ANO2: variants seen among roughly 807,000 people sequenced by gnomAD.
ANO2 encodes the protein anoctamin-2.
In ANO2, 101 loss-of-function variants were observed where a neutral mutation model predicts 124.2. The observed-to-expected ratio is 0.81, with a 90% CI of 0.69 to 0.96. ANO2 has a LOEUF of 0.96. Ranked by LOEUF, ANO2 falls within the 40% of genes least tolerant of loss-of-function variation. ANO2 has a pLI of 0.00. For missense variants in ANO2, 1,293 were observed against 1,274.5 expected (o/e 1.01, Z -0.22); for synonymous variants, 486 against 482.5 (o/e 1.01, Z -0.09).
chr12:5,671,601 C>T (rs1285074548), intron 14 of ANO2, among the ~76,000 whole-genome samples: 4 of 152,130 alleles, frequency 2.6e-5, no homozygotes, highest in Non-Finnish European at 5.9e-5. Flanking sequence ...TTTCTAAAGC[C>T]ACCCTAGGGA....
chr12:5,569,409 T>C (rs533584120), intron 23 of ANO2, among the ~76,000 whole-genome samples: 5 of 152,326 alleles, frequency 3.3e-5, no homozygotes, highest in African/African-American at 1.2e-4. Flanking sequence ...TTTAGGGATG[T>C]TCCTGGATCT....
chr12:5,789,997 C>A (rs915425220), intron 10 of ANO2, among the ~76,000 whole-genome samples: 3 of 152,144 alleles, frequency 2.0e-5, no homozygotes, highest in Non-Finnish European at 4.4e-5. Flanking sequence ...CAGTGGCTCC[C>A]GGGATCAAAC....
In ANO2 at chr12:5,565,675, G is replaced by A; in HGVS notation, c.2622-12C>T. 1 of 1,573,528 alleles carries A rather than the reference G, an allele frequency of 6.4e-7. No homozygotes were observed. ...GGTAATCCTTAAACCTGCCCAAAGA[G>A]AAATGTGGTGTTAAGATCAGGAGCG... On this transcript the variant is annotated splice_polypyrimidine_tract_variant and intron_variant, in intron 23 of 24. Transcript: ENST00000682330.
chr12:5,923,061 TACAC>T (rs1337884160), intron 1 of ANO2, among the ~76,000 whole-genome samples: 1 of 88,212 alleles, frequency 1.1e-5, no homozygotes, highest in Non-Finnish European at 2.3e-5. Context: ...CACACCCACA[TACAC>T]ACACACATGC....
chr12:5,673,868 G>A (rs568988163), intron 14 of ANO2, among the ~76,000 whole-genome samples: 3 of 152,180 alleles, frequency 2.0e-5, no homozygotes, highest in Non-Finnish European at 4.4e-5. Flanking sequence ...ATTCAGTCCA[G>A]CCCATGGACA....
At position 5,767,972 on chromosome 12, in the gene ANO2, C is replaced by T. The variant is rs186888670; in HGVS notation, c.1056-17002G>A. On this transcript the variant is annotated intron_variant, in intron 10 of 24. Transcript: ENST00000682330. ...CATGAGAACCTCAGGATCCTCCAGA[C>T]GCCATATGTGGACTGTAGGGGGTGC... Among the ~76,000 whole-genome samples the T allele has an allele frequency of 9.0e-4, 137 of 152,256 alleles. 1 individual carries two copies. Among genetic ancestry groups the T allele is most frequent in the Non-Finnish European group, 4.3e-4 (29 of 68,022 alleles).
At chr12:5,942,097 C>T (rs1331957878) in intron 1 of ANO2, among the ~76,000 whole-genome samples, 1 of 152,182 alleles carries the variant, frequency 6.6e-6, no homozygotes, top group Non-Finnish European at 1.5e-5. Flanking sequence ...TGGAGTGCCG[C>T]GTATCCCTTT....
At chr12:5,923,278 A>G (rs993379409) in intron 1 of ANO2, among the ~76,000 whole-genome samples, 46 of 149,554 alleles carry the variant, frequency 3.1e-4, no homozygotes, top group East Asian at 1.2e-3. Flanking sequence ...ACACACACAC[A>G]CGCACACACA....
chr12:5,946,049 A>G, upstream of ANO2: 1 of 1,407,284 alleles, frequency 7.1e-7, no homozygotes, highest in Non-Finnish European at 1.0e-6. The surrounding 1 kb of genome is among the most constrained non-coding windows in gnomAD (Gnocchi z 4.1). Flanking sequence ...GGAATCTGCA[A>G]CTCCAAGATG....
At chr12:5,920,080 G>GC (rs1941614107) in intron 3 of ANO2, among the ~76,000 whole-genome samples, 1 of 91,106 alleles carries the variant, frequency 1.1e-5, no homozygotes, top group Admixed American at 1.0e-4. Flanking sequence ...TGGATGGATG[G>GC]ATGCATGCAT....
At chr12:5,706,085 C>A (rs540685276) in intron 14 of ANO2, among the ~76,000 whole-genome samples, 3 of 152,330 alleles carry the variant, frequency 2.0e-5, no homozygotes, top group Admixed American at 1.3e-4. Flanking sequence ...TGTACGCTGG[C>A]TTTGCAACTG....
chr12:5,930,596 A>C (rs2136315749), intron 1 of ANO2, among the ~76,000 whole-genome samples: 1 of 152,248 alleles, frequency 6.6e-6, no homozygotes, highest in South Asian at 2.1e-4. Context: ...TTCAGATTGA[A>C]GACCCTCCCC....
At chr12:5,657,641 G>T (rs4930743) in intron 14 of ANO2, among the ~76,000 whole-genome samples, 90,297 of 151,798 alleles carry the variant, frequency 0.59, 28,257 homozygotes, top group East Asian at 0.96. Context: ...TCAGGGAGGA[G>T]GTACAAGTGG....
intron 10 of ANO2, among the ~76,000 whole-genome samples, chr12:5,767,423 T>C (rs923598635): frequency 2.0e-5 from 3 of 152,146 alleles, no homozygotes; most frequent in Non-Finnish European, 4.4e-5. Flanking sequence ...ATCACAAATG[T>C]TCCTGTCCTC....
At chr12:5,692,415 ACTT>A (rs1402807232) in intron 14 of ANO2, among the ~76,000 whole-genome samples, 2 of 152,084 alleles carry the variant, frequency 1.3e-5, no homozygotes, top group African/African-American at 2.4e-5. Context: ...TAAGCCACTG[ACTT>A]CTTCGTTGGT....
intron 15 of ANO2, among the ~76,000 whole-genome samples, chr12:5,645,131 A>G (rs570381071): frequency 1.3e-5 from 2 of 151,798 alleles, no homozygotes; most frequent in Admixed American, 6.6e-5. Flanking sequence ...ACCAGTCCTT[A>G]TATCTCCCTC....
chr12:5,919,309 G>A (rs1443466861), intron 3 of ANO2, among the ~76,000 whole-genome samples: 1 of 151,960 alleles, frequency 6.6e-6, no homozygotes, highest in Non-Finnish European at 1.5e-5. Flanking sequence ...GAGGGCAACA[G>A]CACAAAGACC....
intron 14 of ANO2, among the ~76,000 whole-genome samples, chr12:5,684,267 G>A (rs1404571340): frequency 1.3e-5 from 2 of 152,216 alleles, no homozygotes; most frequent in Non-Finnish European, 2.9e-5. Flanking sequence ...CTAACACCAG[G>A]ACTGCTGCTC....
At chr12:5,565,091 G>A (rs550220990) in intron 24 of ANO2, among the ~76,000 whole-genome samples, 2 of 152,144 alleles carry the variant, frequency 1.3e-5, no homozygotes, top group South Asian at 2.1e-4. Context: ...TGGCTCTGGG[G>A]GCCCTTCTCA....
Sources: allele counts gnomAD v4.1 joint callset (sites outside exome capture counted in the v4.1 genomes callset), GRCh38; gene constraint gnomAD v4.1.1; non-coding constraint Gnocchi (gnomAD v3.1); transcripts MANE v1.5; gene names NCBI Gene and HGNC (gene_info 2026-07-23, HGNC 2026-07-21).